Variants in DMD observed in about 807,000 individuals in gnomAD.
DMD encodes the protein dystrophin, also known as mutant dystrophin.
DMD carries 63 observed loss-of-function variants against 330.1 expected under a neutral mutation model. That is an observed-to-expected ratio of 0.19 (90% CI 0.16 to 0.24). DMD has a LOEUF of 0.24. Ranked by LOEUF, DMD falls within the 10% of genes least tolerant of loss-of-function variation. The pLI is 1.00. For synonymous variants in DMD, 1,223 were observed against 959.8 expected, an observed-to-expected ratio of 1.27 and a Z score of -5.07; for missense variants, 3,344 against 2,684.1, an observed-to-expected ratio of 1.25 and a Z score of -5.43.
rs1369143100 is a variant in DMD, at chrX:32,545,324, G to A, written c.2003C>T (p.Ala668Val). Reference protein sequence around the residue: ...LEKSTAQISQAVTTTQPSLTQ... With the variant: ...LEKSTAQISQVVTTTQPSLTQ... Reference sequence around the variant, plus strand: ...TAGTGATGGCTGAGTGGTGGTGACAGCCTGTGAAATCTGTGAGAAGTATTG... The same window carrying A: ...TAGTGATGGCTGAGTGGTGGTGACAACCTGTGAAATCTGTGAGAAGTATTG... Residue 668 changes from alanine to valine, a missense_variant, in exon 17 of 79, where the codon GCT becomes GTT. Transcript: ENST00000357033. The A allele has an allele frequency of 5.8e-6, 7 of 1,210,322 alleles. No individual in the cohort carries two copies. The highest frequency in any genetic ancestry group is 5.6e-6 in the Non-Finnish European group (5 of 894,544).
At chrX:31,266,034 T>C (rs1202259700) in intron 62 of DMD, among the ~76,000 whole-genome samples, 1 of 107,418 alleles carries the variant, frequency 9.3e-6, no homozygotes, top group Non-Finnish European at 1.9e-5. Context: ...ATAAGCAAAG[T>C]GTTCTGCCCT....
At chrX:32,321,195 G>A (rs770526440) in intron 41 of DMD, among the ~76,000 whole-genome samples, 1 of 111,544 alleles carries the variant, frequency 9.0e-6, no homozygotes, top group Non-Finnish European at 1.9e-5. Context: ...TGTTGAGAAT[G>A]GGTAAATCAC....
chrX:31,662,688 T>C (rs925096651), intron 53 of DMD, among the ~76,000 whole-genome samples: 1 of 111,508 alleles, frequency 9.0e-6, no homozygotes, highest in African/African-American at 3.3e-5. Context: ...TGCTTGTCCA[T>C]TGTTCTGCAG....
At chrX:31,422,944 G>C (rs944482344) in intron 60 of DMD, among the ~76,000 whole-genome samples, 1 of 110,692 alleles carries the variant, frequency 9.0e-6, no homozygotes, top group South Asian at 3.8e-4. Flanking sequence ...TTTTGTTATT[G>C]CTGCTTTGAA....
intron 44 of DMD, among the ~76,000 whole-genome samples, chrX:32,092,562 A>G (rs1342280517): frequency 9.0e-6 from 1 of 110,587 alleles, no homozygotes; most frequent in Non-Finnish European, 1.9e-5. Flanking sequence ...CATTTATTTC[A>G]TTTATCTATA....
At chrX:32,557,831 G>T (rs2050482754) in intron 16 of DMD, among the ~76,000 whole-genome samples, 1 of 110,957 alleles carries the variant, frequency 9.0e-6, no homozygotes, top group African/African-American at 3.3e-5. Context: ...AAGTATAGAG[G>T]ACTTCCCATA....
intron 1 of DMD, among the ~76,000 whole-genome samples, chrX:33,122,277 G>A (rs1481384701): frequency 8.9e-6 from 1 of 112,372 alleles, no homozygotes; most frequent in East Asian, 2.8e-4. Flanking sequence ...CAAAGGTGGT[G>A]AAATAATTTT....
intron 55 of DMD, among the ~76,000 whole-genome samples, chrX:31,510,640 T>C (rs2071418103): frequency 9.2e-6 from 1 of 108,375 alleles, no homozygotes; most frequent in African/African-American, 3.4e-5. Context: ...CCCAAGTAGC[T>C]GGGACTATAG....
chrX:31,430,055 A>G (rs1379658344), intron 60 of DMD, among the ~76,000 whole-genome samples: 1 of 111,105 alleles, frequency 9.0e-6, no homozygotes, highest in Non-Finnish European at 1.9e-5. Context: ...CCTTAGCTGA[A>G]TGCCCTTTGT....
At chrX:32,672,084 C>T (rs1031906141) in intron 9 of DMD, among the ~76,000 whole-genome samples, 1 of 111,322 alleles carries the variant, frequency 9.0e-6, no homozygotes, top group Non-Finnish European at 1.9e-5. Flanking sequence ...ATGAGAACAC[C>T]TAGCATAGTC....
rs5972493 is a variant in DMD, at chrX:32,132,755, A to G, written c.6438+84161T>C. 4.3e-3 allele frequency among the ~76,000 whole-genome samples: 481 copies of G among 110,693 alleles called. 1 individual carries two copies. The highest frequency in any genetic ancestry group is 0.013 in the African/African-American group (380 of 30,374). ...CTAACTTCTGTTCCTTTTCCTATGA[A>G]TACTATATTTTTTCACATTATACCA... On this transcript the variant is annotated intron_variant, in intron 44 of 78. Transcript: ENST00000357033.
At chrX:32,194,256 T>A (rs2606669) in intron 44 of DMD, among the ~76,000 whole-genome samples, 1 of 110,726 alleles carries the variant, frequency 9.0e-6, no homozygotes, top group Non-Finnish European at 1.9e-5. Context: ...TTTGGATGGA[T>A]GTGTTTTGAC....
chrX:32,928,621 C>T, intron 2 of DMD, among the ~76,000 whole-genome samples: 1 of 111,941 alleles, frequency 8.9e-6, no homozygotes, highest in South Asian at 3.7e-4. Flanking sequence ...AGATGTAAAA[C>T]TTGCAATGAT....
At chrX:32,441,362 A>G (rs1569562577) in intron 27 of DMD, 48 bp from the exon 28 acceptor site, 1 of 1,155,437 alleles carries the variant, frequency 8.7e-7, no homozygotes, top group Non-Finnish European at 1.2e-6. Context: ...GTAGAAAAGT[A>G]AATGTGAAAT....
At chrX:31,809,185 T>G (rs1235607526) in intron 50 of DMD, among the ~76,000 whole-genome samples, 1 of 103,554 alleles carries the variant, frequency 9.7e-6, no homozygotes, top group African/African-American at 3.5e-5. Context: ...ATATATGAGT[T>G]TATATATAAA....
chrX:32,990,514 A>C (rs1044839004), intron 2 of DMD, among the ~76,000 whole-genome samples: 2 of 112,063 alleles, frequency 1.8e-5, no homozygotes, highest in Non-Finnish European at 3.8e-5. Flanking sequence ...TGCTAATCCA[A>C]AATAATAAGG....
intron 41 of DMD, among the ~76,000 whole-genome samples, chrX:32,338,492 G>C (rs1454181547): frequency 9.1e-6 from 1 of 110,020 alleles, no homozygotes; most frequent in East Asian, 2.8e-4. Context: ...TTATATAATG[G>C]CCTATTCTTA....
At chrX:32,555,355 G>C (rs758991259) in intron 16 of DMD, among the ~76,000 whole-genome samples, 2 of 111,691 alleles carry the variant, frequency 1.8e-5, no homozygotes, top group East Asian at 5.7e-4. Flanking sequence ...GCAAAAGCTA[G>C]AAGCATTCCC....
chrX:33,052,401 C>T (rs1415882980), intron 1 of DMD, among the ~76,000 whole-genome samples: 1 of 111,770 alleles, frequency 8.9e-6, no homozygotes, highest in African/African-American at 3.2e-5. Flanking sequence ...CTATTGATGC[C>T]AAGCTCAGTG....
Sources: gnomAD v4.1 joint callset for allele counts (sites outside exome capture counted in the v4.1 genomes callset) on GRCh38, gnomAD v4.1.1 for gene constraint, MANE v1.5 for transcripts, NCBI Gene and HGNC (gene_info 2026-07-23, HGNC 2026-07-21) for gene names.